Variants in SLC9B1 observed in about 807,000 individuals in gnomAD.
SLC9B1 encodes solute carrier family 9 member B1, also known as sodium/hydrogen exchanger 9B1.
SLC9B1 carries 32 observed loss-of-function variants against 51.7 expected under a neutral mutation model. The observed-to-expected ratio is 0.62, with a 90% confidence interval of 0.47 to 0.83. SLC9B1 has a LOEUF of 0.83. Among genes scored for constraint, SLC9B1 ranks in the 40% least tolerant of loss-of-function variants. SLC9B1 has a pLI of 0.00. For missense variants in SLC9B1, 406 were observed against 613.2 expected (o/e 0.66, Z 3.57); for synonymous variants, 145 against 212.7 (o/e 0.68, Z 2.77).
chr4:102,992,776 A>T (rs1350984151), intron 1 of SLC9B1, among the ~76,000 whole-genome samples: 1 of 152,192 alleles, frequency 6.6e-6, no homozygotes, highest in African/African-American at 2.4e-5. Flanking sequence ...GTCCATTTTC[A>T]TGCAGCTATG....
chr4:102,948,567 G>A (rs990836962), intron 4 of SLC9B1, among the ~76,000 whole-genome samples: 1 of 151,946 alleles, frequency 6.6e-6, no homozygotes, highest in Non-Finnish European at 1.5e-5. Context: ...AAAAGGACAT[G>A]GAATCAACTT....
At chr4:102,932,053 A>G (rs1289122581) in intron 7 of SLC9B1, 71 bp downstream of exon 7, 1 of 1,451,876 alleles carries the variant, frequency 6.9e-7, no homozygotes. Context: ...AAGCAAAGCC[A>G]GAAACCCTGT....
chr4:102,892,035 T>A (rs1220051636), intron 11 of SLC9B1: 1 of 152,202 alleles, frequency 6.6e-6, no homozygotes, highest in African/African-American at 2.4e-5. Context: ...TATTTGATCA[T>A]GTTCAGCAAG....
intron 3 of SLC9B1, among the ~76,000 whole-genome samples, chr4:102,950,639 T>C (rs1737501226): frequency 1.3e-5 from 2 of 152,176 alleles, no homozygotes; most frequent in Non-Finnish European, 2.9e-5. Flanking sequence ...TCTTTCCTCC[T>C]CCCCTCTGAT....
Position 103,008,905 on chromosome 4 carries a change from T to C in SLC9B1, c.-2+10694A>G, listed in dbSNP as rs573549610. Among the ~76,000 whole-genome samples, 7 of 150,198 alleles carry C rather than the reference T, an allele frequency of 4.7e-5. No homozygotes were observed. The South Asian group carries it at 1.5e-3, about 32-fold the overall frequency. ...ACCTCCGCCTCCCGGGTTCAAGCGA[T>C]TCTCCTGCCTCAGTCTCCCGAGCAG... On this transcript the variant is annotated intron_variant, in intron 1 of 11. Transcript: ENST00000296422.
intron 3 of SLC9B1, among the ~76,000 whole-genome samples, chr4:102,955,853 GAA>G (rs1447770181): frequency 8.9e-6 from 1 of 111,744 alleles, no homozygotes; most frequent in East Asian, 2.7e-4. Context: ...GAGAAAGAAA[GAA>G]AGAAAGAAAG....
chr4:102,999,065 G>A (rs751311212), intron 1 of SLC9B1, among the ~76,000 whole-genome samples: 6 of 152,140 alleles, frequency 3.9e-5, no homozygotes, highest in Non-Finnish European at 1.5e-5. Context: ...TGTAGCCCAG[G>A]CTGGTCTCAA....
At chr4:102,899,078 G>T (rs1734669640), downstream of SLC9B1, among the ~76,000 whole-genome samples, 1 of 151,238 alleles carries the variant, frequency 6.6e-6, no homozygotes, top group African/African-American at 2.4e-5. Context: ...CATACACATG[G>T]TTAACTGGTT....
intron 7 of SLC9B1, among the ~76,000 whole-genome samples, chr4:102,925,699 C>CAAAAAAAAAAAAAAA (rs3974607): frequency 7.3e-6 from 1 of 137,370 alleles, no homozygotes; most frequent in Non-Finnish European, 1.6e-5. Context: ...TTCTTTTGTC[C>CAAAAAAAAAAAAAAA]AAAAAAAAAA....
chr4:102,904,315 C>A (rs1246013694), intron 11 of SLC9B1, among the ~76,000 whole-genome samples: 1 of 152,084 alleles, frequency 6.6e-6, no homozygotes, highest in Non-Finnish European at 1.5e-5. Context: ...CTGCCTCAGC[C>A]TCCCGAAGTG....
chr4:102,948,947 C>A (rs1304166061), intron 4 of SLC9B1, among the ~76,000 whole-genome samples: 1 of 152,024 alleles, frequency 6.6e-6, no homozygotes, highest in Non-Finnish European at 1.5e-5. Flanking sequence ...TGCATATGTA[C>A]CCCGTGAATC....
Position 102,949,217 on chromosome 4 carries a change from T to C in SLC9B1, c.382+40A>G, listed in dbSNP as rs757630658. 3.5e-6 allele frequency: 5 copies of C among 1,412,560 alleles called. No homozygotes were observed. The South Asian group carries it at 4.4e-5, about 13-fold the overall frequency. 87.5% of individuals were successfully genotyped at this position (1,412,560 alleles called of 1,614,324 possible). On this transcript the variant is annotated intron_variant, in intron 4 of 11. Transcript: ENST00000296422. The stretch of plus-strand genomic sequence containing the variant: ...CAAGAAAATGTTCAACATTTGCATA[T>C]AGTCAATAATAAAGAAAAGAGAGCT...
In SLC9B1 at chr4:102,932,228, C is replaced by T. The variant is rs1206134665; in HGVS notation, c.725G>A (p.Gly242Asp). The T allele has an allele frequency of 4.3e-6, 7 of 1,611,684 alleles. No individual in the cohort carries two copies. Among genetic ancestry groups the T allele is most frequent in the African/African-American group, 2.7e-5 (2 of 74,824 alleles). The change falls in exon 7 of 12, where the codon GGT becomes GAT. Residue 242 changes from glycine to aspartate, a missense_variant. Gly to Asp is a moderately conservative substitution (Grantham distance 94). Transcript: ENST00000296422. ...TAAGGTTGGAATGCCTTCCTCAACA[C>T]CATATCCATTTTCTTGCAGCACCAT... ...YMMVLQENGY[G>D]VEEGIPTLLM...
intron 1 of SLC9B1, among the ~76,000 whole-genome samples, chr4:103,001,592 T>C (rs937059529): frequency 5.1e-4 from 77 of 152,310 alleles, no homozygotes; most frequent in African/African-American, 1.8e-3. Flanking sequence ...CCCATCTCCA[T>C]TTGAGACCAC....
intron 11 of SLC9B1, chr4:102,887,263 C>G: frequency 1.1e-6 from 1 of 881,608 alleles, no homozygotes; most frequent in South Asian, 1.4e-5. Context: ...TGCTTTCTTT[C>G]TGAGAGCATT....
At chr4:103,003,666 G>A (rs1740643163) in intron 1 of SLC9B1, among the ~76,000 whole-genome samples, 1 of 152,070 alleles carries the variant, frequency 6.6e-6, no homozygotes, top group African/African-American at 2.4e-5. Flanking sequence ...CTACCCCAGT[G>A]AAGCACTCCA....
intron 7 of SLC9B1, among the ~76,000 whole-genome samples, chr4:102,921,827 A>G (rs1735894373): frequency 6.6e-6 from 1 of 152,230 alleles, no homozygotes; most frequent in Non-Finnish European, 1.5e-5. Flanking sequence ...CCATTACATA[A>G]TGGTAAAGGG....
chr4:103,007,766 A>C (rs1015620155), intron 1 of SLC9B1, among the ~76,000 whole-genome samples: 3 of 151,644 alleles, frequency 2.0e-5, no homozygotes, highest in African/African-American at 7.3e-5. Context: ...TGTCTGGTTA[A>C]TTTTTTGTAG....
intron 11 of SLC9B1, among the ~76,000 whole-genome samples, chr4:102,893,312 G>GA (rs1042884160): frequency 4.5e-5 from 5 of 111,142 alleles, no homozygotes; most frequent in African/African-American, 1.8e-4. Flanking sequence ...AAAAGAAAAA[G>GA]AAAAAAGAAA....
Sources: gnomAD v4.1 joint callset for allele counts (sites outside exome capture counted in the v4.1 genomes callset) on GRCh38, gnomAD v4.1.1 for gene constraint, MANE v1.5 for transcripts, NCBI Gene and HGNC (gene_info 2026-07-23, HGNC 2026-07-21) for gene names.